The following DDX47 variants were observed in gnomAD, a reference collection of about 807,000 sequenced individuals.
DDX47 encodes DEAD-box helicase 47, also known as probable ATP-dependent RNA helicase DDX47.
DDX47 carries 60 observed loss-of-function variants against 58.8 expected under a neutral mutation model. The ratio of observed to expected loss-of-function variants is 1.02; its 90% CI spans 0.83 to 1.26. The LOEUF is 1.26. Ranked by LOEUF, DDX47 falls within the 50% of genes most tolerant of loss-of-function variation. DDX47 has a pLI of 0.00. For synonymous variants in DDX47, 197 were observed against 204.6 expected, an observed-to-expected ratio of 0.96 and a Z score of 0.32; for missense variants, 530 against 573.2, an observed-to-expected ratio of 0.92 and a Z score of 0.77.
intron 2 of DDX47, among the ~76,000 whole-genome samples, chr12:12,819,934 C>A (rs1862945025): frequency 2.0e-5 from 3 of 152,170 alleles, no homozygotes; most frequent in Non-Finnish European, 4.4e-5. Context: ...CTGTTCTGGT[C>A]ATTTAAGTCA....
intron 7 of DDX47, 196 bp from the exon 8 acceptor site, chr12:12,823,674 G>A (rs886580503): frequency 7.3e-5 from 44 of 601,608 alleles, no homozygotes; most frequent in Admixed American, 1.3e-4. Context: ...CAGATCTCCT[G>A]CCTGCCTTAA....
chr12:12,817,702 T>C (rs1381755747), intron 2 of DDX47, among the ~76,000 whole-genome samples: 1 of 152,248 alleles, frequency 6.6e-6, no homozygotes, highest in Non-Finnish European at 1.5e-5. Flanking sequence ...TTATGCATTC[T>C]GGTATATTCT....
chr12:12,823,141 A>C (rs1222994175), intron 6 of DDX47, 62 bp from the exon 7 acceptor site: 2 of 1,098,188 alleles, frequency 1.8e-6, no homozygotes, highest in African/African-American at 3.1e-5. Context: ...ACAGAGCCAA[A>C]CCATGTCATA....
intron 4 of DDX47, 60 bp downstream of exon 4, chr12:12,821,786 T>G: frequency 7.2e-7 from 1 of 1,398,172 alleles, no homozygotes; most frequent in Non-Finnish European, 1.0e-6. Context: ...AATCTACCAG[T>G]GTTGGATAGA....
At chr12:12,822,147 C>A (rs138908167) in intron 5 of DDX47, 64 bp downstream of exon 5, 2 of 1,031,656 alleles carry the variant, frequency 1.9e-6, no homozygotes, top group African/African-American at 1.6e-5. Flanking sequence ...AAATTTGGTT[C>A]ATTGCCCACT....
intron 4 of DDX47, 32 bp downstream of exon 4, chr12:12,821,758 C>T (rs1398860819): frequency 1.3e-6 from 2 of 1,528,176 alleles, no homozygotes; most frequent in Admixed American, 3.4e-5. Flanking sequence ...AAGACACTGG[C>T]AGTGATGAAT....
At chr12:12,822,221 C>T in intron 5 of DDX47, 138 bp downstream of exon 5, 1 of 615,752 alleles carries the variant, frequency 1.6e-6, no homozygotes, top group Non-Finnish European at 2.9e-6. Flanking sequence ...ATTGCAGTTT[C>T]TCAGCACCCT....
chr12:12,826,020 T>C lies in DDX47; in HGVS notation c.1056T>C (p.Gly352=), dbSNP rs1863046921. 6.2e-7 allele frequency: 1 copy of C among 1,613,580 alleles called. No individual in the cohort carries two copies. The highest frequency in any genetic ancestry group is 2.2e-5 in the East Asian group (1 of 44,858). The change falls in exon 10 of 12, where the codon GGT becomes GGC. Residue 352 remains glycine, a synonymous_variant. Coordinates refer to ENST00000358007, the MANE Select transcript of DDX47 (RefSeq NM_016355.4). ...THSKDYIHRV[G]RTARAGRSGK... ...TTTAGGATTACATCCATCGAGTAGG[T>C]CGAACAGCTAGAGCTGGGCGCTCCG...
At chr12:12,815,090 A>G (rs1276097552) in intron 2 of DDX47, among the ~76,000 whole-genome samples, 1 of 152,186 alleles carries the variant, frequency 6.6e-6, no homozygotes, top group East Asian at 1.9e-4. Flanking sequence ...GTCTTAGTTA[A>G]CTGAAATCTA....
intron 11 of DDX47, 71 bp from the exon 12 acceptor site, chr12:12,829,352 G>T: frequency 6.6e-7 from 1 of 1,505,016 alleles, no homozygotes; most frequent in Non-Finnish European, 8.9e-7. Context: ...CTTAAGGAGA[G>T]GGGACTAGAA....
chr12:12,813,653 C>T (rs1157357483), intron 1 of DDX47, 199 bp downstream of exon 1: 8 of 602,686 alleles, frequency 1.3e-5, no homozygotes, highest in Non-Finnish European at 2.3e-5. Flanking sequence ...CCTGAGACCC[C>T]CTATTTGCCC....
intron 5 of DDX47, 115 bp from the exon 6 acceptor site, chr12:12,822,546 A>G (rs1442466171): frequency 1.2e-6 from 1 of 814,128 alleles, no homozygotes; most frequent in Non-Finnish European, 2.0e-6. Flanking sequence ...TCGAGTCCCA[A>G]ATCTTCACAG....
chr12:12,814,067 G>C, intron 1 of DDX47, 64 bp from the exon 2 acceptor site: 3 of 1,001,876 alleles, frequency 3.0e-6, no homozygotes, highest in Non-Finnish European at 3.2e-6. Context: ...CTGACAGTCA[G>C]TTAAGTAGGA....
At chr12:12,827,497 C>A in intron 11 of DDX47, 122 bp downstream of exon 11, 2 of 1,174,368 alleles carry the variant, frequency 1.7e-6, no homozygotes, top group Non-Finnish European at 1.2e-6. Flanking sequence ...AAATTTAAGA[C>A]GAGCAAACTA....
At chr12:12,824,727 A>G in intron 9 of DDX47, 50 bp downstream of exon 9, 1 of 1,564,520 alleles carries the variant, frequency 6.4e-7, no homozygotes, top group Non-Finnish European at 8.8e-7. Flanking sequence ...GTATTTCTTA[A>G]TGGACTGTCT....
In DDX47 at chr12:12,829,397, TC is replaced by T. The variant is rs769624157; in HGVS notation, c.1237-23del. ...TTCAGTGCCAGTAATTCATTTTCAA[TC>T]CCATCCTCTCTTTTTTTCTTGCAGG... is the stretch of plus-strand genomic sequence containing the variant. On this transcript the variant is annotated intron_variant, in intron 11 of 11. Coordinates refer to ENST00000358007, the MANE Select transcript of DDX47 (RefSeq NM_016355.4). 210 of 1,594,160 alleles carry T rather than the reference TC, an allele frequency of 1.3e-4. 1 individual carries two copies. The highest frequency in any genetic ancestry group is 3.3e-4 in the Middle Eastern group (2 of 5,982).
intron 8 of DDX47, chr12:12,824,261 C>T (rs932244785): frequency 8.6e-6 from 5 of 580,810 alleles, no homozygotes; most frequent in Admixed American, 3.7e-5. Flanking sequence ...ATTTATTCAG[C>T]CCTAGTGGTA....
At chr12:12,825,914 AG>A in intron 9 of DDX47, 85 bp from the exon 10 acceptor site, 2 of 999,644 alleles carry the variant, frequency 2.0e-6, no homozygotes, top group Non-Finnish European at 2.8e-6. Flanking sequence ...TTTCTTTCAA[AG>A]GTTTTGCAGC....
chr12:12,822,841 A>G (rs1214869878), intron 6 of DDX47, 109 bp downstream of exon 6: 5 of 908,904 alleles, frequency 5.5e-6, no homozygotes, highest in Admixed American at 1.9e-5. Context: ...TCACACTGCT[A>G]TAAAGAACTA....
Sources: gnomAD v4.1 joint callset for allele counts (sites outside exome capture counted in the v4.1 genomes callset) on GRCh38, gnomAD v4.1.1 for gene constraint, MANE v1.5 for transcripts, NCBI Gene and HGNC (gene_info 2026-07-23, HGNC 2026-07-21) for gene names.